Variants in DMD observed in about 807,000 individuals in gnomAD.
DMD encodes dystrophin, also known as mutant dystrophin.
Under a neutral mutation model 330.1 loss-of-function variants are expected in DMD, and 63 were observed. That is an observed-to-expected ratio of 0.19 (90% CI 0.16 to 0.24). The LOEUF is 0.24. Ranked by LOEUF, DMD falls within the 10% of genes least tolerant of loss-of-function variation. The probability of loss-of-function intolerance (pLI) is 1.00; values close to 1 mark genes in which losing one functional copy is unlikely to be tolerated. For synonymous variants in DMD, 1,223 were observed against 959.8 expected, an observed-to-expected ratio of 1.27 and a Z score of -5.07; for missense variants, 3,344 against 2,684.1, an observed-to-expected ratio of 1.25 and a Z score of -5.43.
At chrX:32,599,471 T>C (rs1014599567) in intron 12 of DMD, among the ~76,000 whole-genome samples, 1 of 111,831 alleles carries the variant, frequency 8.9e-6, no homozygotes, top group Non-Finnish European at 1.9e-5. Flanking sequence ...TGTAAGGCTA[T>C]ATTTAATTAC....
chrX:32,420,740 G>A (rs912608882), intron 29 of DMD, among the ~76,000 whole-genome samples: 5 of 111,765 alleles, frequency 4.5e-5, no homozygotes, highest in Non-Finnish European at 9.4e-5. Flanking sequence ...TGATGTATGG[G>A]AAGCAAATTC....
chrX:32,054,409 G>A, intron 44 of DMD, among the ~76,000 whole-genome samples: 1 of 92,624 alleles, frequency 1.1e-5, no homozygotes, highest in African/African-American at 4.2e-5. Flanking sequence ...TGTTCTCATT[G>A]TTCAATTCCC....
intron 51 of DMD, among the ~76,000 whole-genome samples, chrX:31,749,619 T>G (rs1280381071): frequency 9.1e-6 from 1 of 109,947 alleles, no homozygotes; most frequent in African/African-American, 3.3e-5. Context: ...TGCATGTGTC[T>G]TTATAGCAGC....
chrX:31,636,273 G>T lies in DMD; in HGVS notation c.8028-8411C>A, dbSNP rs1023820530. On this transcript the variant is annotated intron_variant, in intron 54 of 78. Coordinates refer to ENST00000357033, the MANE Select transcript of DMD (RefSeq NM_004006.3). Reference sequence around the variant, plus strand: ...TTAATACCTGGGTAACAAAATAATCGGTACAACAAACCCCCATGACATGAG... The same window carrying T: ...TTAATACCTGGGTAACAAAATAATCTGTACAACAAACCCCCATGACATGAG... Among the ~76,000 whole-genome samples the T allele has an allele frequency of 2.7e-5, 3 of 110,709 alleles. No individual in the cohort carries two copies. In the Admixed American group the frequency reaches 2.9e-4, roughly 11 times the overall value.
chrX:31,297,056 T>C (rs748964610), intron 62 of DMD, among the ~76,000 whole-genome samples: 2 of 111,403 alleles, frequency 1.8e-5, no homozygotes, highest in Non-Finnish European at 3.8e-5. Flanking sequence ...TGTGTATGTA[T>C]ATAGTAAGCA....
chrX:31,525,228 A>G (rs929069437), intron 55 of DMD, among the ~76,000 whole-genome samples: 8 of 112,080 alleles, frequency 7.1e-5, no homozygotes. Flanking sequence ...TGATCATTAA[A>G]TAATAGATTC....
intron 3 of DMD, among the ~76,000 whole-genome samples, chrX:32,847,001 A>C (rs2080744670): frequency 9.0e-6 from 1 of 110,643 alleles, no homozygotes; most frequent in African/African-American, 3.3e-5. Context: ...GTAAGATTCC[A>C]TCAAAATAAA....
chrX:32,657,372 T>C (rs985611613), intron 9 of DMD, among the ~76,000 whole-genome samples: 1 of 112,122 alleles, frequency 8.9e-6, no homozygotes, highest in Middle Eastern at 4.2e-3. Context: ...TTCATAAGCA[T>C]CAATAAAAAA....
At chrX:33,218,025 A>C (rs954166108) in intron 1 of DMD, among the ~76,000 whole-genome samples, 5 of 111,463 alleles carry the variant, frequency 4.5e-5, no homozygotes, top group African/African-American at 1.6e-4. Context: ...ATTAGGAAGA[A>C]AGGTGTAAAT....
chrX:31,914,020 G>A (rs1177136262), intron 47 of DMD, among the ~76,000 whole-genome samples: 3 of 112,267 alleles, frequency 2.7e-5, no homozygotes, highest in Non-Finnish European at 5.6e-5. Context: ...TTTGAACTAA[G>A]CAATTATTAC....
intron 61 of DMD, among the ~76,000 whole-genome samples, chrX:31,323,975 C>CT (rs757087648): frequency 0.13 from 14,006 of 109,919 alleles, 1,004 homozygotes; most frequent in African/African-American, 0.27. Context: ...CCCTTGAGTG[C>CT]TTTTTTTTAT....
At chrX:33,248,664 C>T (rs1208639769) in intron 1 of DMD, among the ~76,000 whole-genome samples, 1 of 111,754 alleles carries the variant, frequency 8.9e-6, no homozygotes, top group Non-Finnish European at 1.9e-5. Context: ...TTATTTATGG[C>T]ATAATTACCA....
Position 32,441,285 on chromosome X carries a change from C to T in DMD, c.3816G>A (p.Leu1272=), listed in dbSNP as rs760733415. 1 of 1,208,636 alleles carries T rather than the reference C, an allele frequency of 8.3e-7. No individual in the cohort carries two copies. Among genetic ancestry groups the T allele is most frequent in the Non-Finnish European group, 1.1e-6 (1 of 892,961 alleles). ...EEVWACWHEL[L]SYLEKANKWL... The stretch of plus-strand genomic sequence containing the variant: ...ACTTGTTTGCTTTCTCCAAGTATGA[C>T]AATAACTCATGCCAACATGCCCAAA... Residue 1272 remains leucine (L), a synonymous_variant, in exon 28 of 79, where the codon TTG becomes TTA. Transcript: ENST00000357033.
At chrX:31,186,851 C>T (rs949430539) in intron 67 of DMD, among the ~76,000 whole-genome samples, 1 of 112,800 alleles carries the variant, frequency 8.9e-6, no homozygotes. Flanking sequence ...CAGCATTCAT[C>T]GAGTCCAAAC....
At chrX:31,193,142 G>C (rs2042551607) in intron 67 of DMD, among the ~76,000 whole-genome samples, 2 of 111,157 alleles carry the variant, frequency 1.8e-5, no homozygotes, top group South Asian at 7.6e-4. Context: ...GTGGCAAAAA[G>C]GAAAAAAAAG....
At chrX:32,127,361 C>T (rs901289968) in intron 44 of DMD, among the ~76,000 whole-genome samples, 2 of 111,513 alleles carry the variant, frequency 1.8e-5, no homozygotes, top group African/African-American at 6.5e-5. Flanking sequence ...GACCTGAAAG[C>T]CATTCTTTTC....
chrX:31,613,605 A>G (rs762588391), intron 55 of DMD, among the ~76,000 whole-genome samples: 2 of 111,722 alleles, frequency 1.8e-5, no homozygotes, highest in African/African-American at 3.3e-5. Flanking sequence ...GTTATGTAGC[A>G]AAAGTTAACT....
At chrX:32,180,048 A>G (rs184934790) in intron 44 of DMD, among the ~76,000 whole-genome samples, 1 of 111,956 alleles carries the variant, frequency 8.9e-6, no homozygotes, top group East Asian at 2.8e-4. Flanking sequence ...TCAAATATAA[A>G]ATGTGATTTT....
At position 31,774,038 on chromosome X, in the gene DMD, C is replaced by T. The variant is rs1603464003; in HGVS notation, c.7464G>A (p.Leu2488=). Residue 2488 remains leucine, a synonymous_variant, in exon 51 of 79, where the codon CTG becomes CTA. Coordinates refer to ENST00000357033, the MANE Select transcript of DMD (RefSeq NM_004006.3). Reference sequence around the variant, plus strand: ...TCTGTGATTTTATAACTTGATCAAGCAGAGAAAGCCAGTCGGTAAGTTCTG... The same window carrying T: ...TCTGTGATTTTATAACTTGATCAAGTAGAGAAAGCCAGTCGGTAAGTTCTG... ...AWTELTDWLS[L]LDQVIKSQRV... 1 of 1,210,153 alleles carries T rather than the reference C, an allele frequency of 8.3e-7. No homozygotes were observed. Among genetic ancestry groups the T allele is most frequent in the Non-Finnish European group, 1.1e-6 (1 of 895,175 alleles).
Sources: allele counts gnomAD v4.1 joint callset (sites outside exome capture counted in the v4.1 genomes callset), GRCh38; gene constraint gnomAD v4.1.1; transcripts MANE v1.5; gene names NCBI Gene and HGNC (gene_info 2026-07-23, HGNC 2026-07-21).